GRID2: variants seen among roughly 807,000 people sequenced by gnomAD.
GRID2 encodes the protein glutamate ionotropic receptor delta type subunit 2, also known as glutamate receptor ionotropic, delta-2.
A neutral mutation model predicts 114.8 loss-of-function variants in GRID2; 33 were observed. That is an observed-to-expected ratio of 0.29 (90% CI 0.22 to 0.38). The LOEUF is 0.38. Ranked by LOEUF, GRID2 falls within the 10% of genes least tolerant of loss-of-function variation. GRID2 has a pLI of 1.00. For synonymous variants in GRID2, 505 were observed against 449.9 expected (o/e 1.12, Z -1.55); for missense variants, 1,184 against 1,257.7 (o/e 0.94, Z 0.89).
intron 8 of GRID2, among the ~76,000 whole-genome samples, chr4:93,341,031 A>G (rs1257496768): frequency 6.6e-6 from 1 of 152,154 alleles, no homozygotes; most frequent in Non-Finnish European, 1.5e-5. Context: ...TTTTAACAGA[A>G]TCTCAATAGG....
chr4:93,692,605 A>AT lies in GRID2; in HGVS notation c.2360+66171dup, dbSNP rs200600790. ...TTTGGAATTATGTATACTTAGCCTC[A>AT]TATCATTTAGGCCATTGTGTAAATA... is the stretch of plus-strand genomic sequence containing the variant. On this transcript the variant is annotated intron_variant, in intron 14 of 15. Coordinates refer to ENST00000282020, the MANE Select transcript of GRID2 (RefSeq NM_001510.4). Among the ~76,000 whole-genome samples, 928 of 152,282 alleles carry AT rather than the reference A, an allele frequency of 6.1e-3. 11 individuals carry two copies. The highest frequency in any genetic ancestry group is 0.021 in the African/African-American group (881 of 41,572).
At chr4:93,405,060 A>G (rs145217874) in intron 9 of GRID2, among the ~76,000 whole-genome samples, 192 of 152,232 alleles carry the variant, frequency 1.3e-3, no homozygotes, top group African/African-American at 4.5e-3. Context: ...ACATTGCTAC[A>G]ACTCTGATCC....
intron 14 of GRID2, among the ~76,000 whole-genome samples, chr4:93,754,010 A>G (rs1315802541): frequency 6.6e-6 from 1 of 152,232 alleles, no homozygotes; most frequent in Non-Finnish European, 1.5e-5. Flanking sequence ...TCTAGACGGT[A>G]TAGCCTATGA....
chr4:92,646,391 T>A (rs1731625699), intron 2 of GRID2, among the ~76,000 whole-genome samples: 1 of 152,234 alleles, frequency 6.6e-6, no homozygotes, highest in South Asian at 2.1e-4. Context: ...ATTATTAACC[T>A]GCCTGTACAG....
At chr4:93,185,915 G>A (rs1328390200) in intron 4 of GRID2, among the ~76,000 whole-genome samples, 2 of 151,774 alleles carry the variant, frequency 1.3e-5, no homozygotes, top group Admixed American at 6.6e-5. Flanking sequence ...CCCCATGACA[G>A]GCCCCAGTGT....
chr4:92,965,724 A>G (rs541695399), intron 2 of GRID2, among the ~76,000 whole-genome samples: 10 of 152,018 alleles, frequency 6.6e-5, no homozygotes, highest in Admixed American at 2.0e-4. Flanking sequence ...GTCCAAATAT[A>G]GTATTTTCAA....
intron 2 of GRID2, among the ~76,000 whole-genome samples, chr4:92,659,451 A>T (rs1732413617): frequency 6.6e-6 from 1 of 151,440 alleles, no homozygotes; most frequent in Non-Finnish European, 1.5e-5. Context: ...CACTTTTCAG[A>T]TCTCGACTTT....
At chr4:93,448,243 C>A (rs564289322) in intron 10 of GRID2, among the ~76,000 whole-genome samples, 1 of 151,414 alleles carries the variant, frequency 6.6e-6, no homozygotes, top group African/African-American at 2.4e-5. Flanking sequence ...AAAACGTTAA[C>A]TGGAAAAAAA....
chr4:92,672,533 G>A (rs1733124577), intron 2 of GRID2, among the ~76,000 whole-genome samples: 1 of 151,924 alleles, frequency 6.6e-6, no homozygotes, highest in African/African-American at 2.4e-5. Flanking sequence ...GCTAATAATG[G>A]GGTCTTGTCT....
intron 2 of GRID2, among the ~76,000 whole-genome samples, chr4:93,037,328 A>C (rs1725022091): frequency 6.6e-6 from 1 of 152,066 alleles, no homozygotes; most frequent in Non-Finnish European, 1.5e-5. Flanking sequence ...ACAGACTTTA[A>C]AGAAAACGTC....
chr4:92,780,802 T>C (rs925839964), intron 2 of GRID2, among the ~76,000 whole-genome samples: 13 of 151,484 alleles, frequency 8.6e-5, no homozygotes, highest in Non-Finnish European at 1.5e-4. Context: ...GCTAAAGGGA[T>C]TAAAACTTGC....
At chr4:92,831,324 C>T (rs1415588583) in intron 2 of GRID2, among the ~76,000 whole-genome samples, 1 of 152,090 alleles carries the variant, frequency 6.6e-6, no homozygotes, top group Non-Finnish European at 1.5e-5. Context: ...AAGAGCTGCT[C>T]CCCTAATTAC....
Position 92,854,659 on chromosome 4 carries a change from A to G in GRID2, c.245-230336A>G, listed in dbSNP as rs114591397. Among the ~76,000 whole-genome samples, 901 of 152,096 alleles carry G rather than the reference A, an allele frequency of 5.9e-3. 16 individuals are homozygous for G. The highest frequency in any genetic ancestry group is 0.021 in the African/African-American group (855 of 41,532). ...AAGTCAGGAAAAGTAAACTTTAAAT[A>G]TATGTTTTAAAAAATTACACAATAG... On this transcript the variant is annotated intron_variant, in intron 2 of 15. Coordinates refer to ENST00000282020, the MANE Select transcript of GRID2 (RefSeq NM_001510.4).
intron 13 of GRID2, among the ~76,000 whole-genome samples, chr4:93,616,281 C>T (rs985751822): frequency 3.9e-5 from 6 of 151,970 alleles, no homozygotes; most frequent in South Asian, 2.1e-4. Context: ...CAGTGGCTCT[C>T]GCCTATAATT....
intron 14 of GRID2, among the ~76,000 whole-genome samples, chr4:93,694,637 A>G (rs1726854247): frequency 6.6e-6 from 1 of 152,116 alleles, no homozygotes; most frequent in African/African-American, 2.4e-5. Flanking sequence ...TCCATATTCT[A>G]AAGTTCATGG....
At chr4:92,624,191 GT>G (rs1465275318) in intron 2 of GRID2, among the ~76,000 whole-genome samples, 3 of 151,936 alleles carry the variant, frequency 2.0e-5, no homozygotes, top group East Asian at 1.9e-4. Flanking sequence ...ATGACGTAGT[GT>G]TTTAATTATC....
chr4:93,492,715 T>G (rs760449715), intron 12 of GRID2, among the ~76,000 whole-genome samples: 8 of 151,960 alleles, frequency 5.3e-5, no homozygotes, highest in Non-Finnish European at 1.2e-4. Flanking sequence ...TAGAAGTCAT[T>G]TTAAGAAAAA....
chr4:93,632,923 G>A (rs1228072205), intron 14 of GRID2, among the ~76,000 whole-genome samples: 2 of 152,072 alleles, frequency 1.3e-5, no homozygotes, highest in African/African-American at 4.8e-5. Context: ...TCCTTGAAGA[G>A]GTCCTTCACA....
intron 14 of GRID2, among the ~76,000 whole-genome samples, chr4:93,718,548 C>T (rs546439253): frequency 0.01 from 1,594 of 152,104 alleles, 33 homozygotes; most frequent in African/African-American, 0.036. Context: ...GGAATTTTTT[C>T]TTTTTTGTTT....
Sources: gnomAD v4.1 joint callset for allele counts (sites outside exome capture counted in the v4.1 genomes callset) on GRCh38, gnomAD v4.1.1 for gene constraint, MANE v1.5 for transcripts, NCBI Gene and HGNC (gene_info 2026-07-23, HGNC 2026-07-21) for gene names.